The following NECTIN3 variants were observed in gnomAD, a reference collection of about 807,000 sequenced individuals.
NECTIN3 encodes nectin-3.
NECTIN3 carries 8 observed loss-of-function variants against 49.4 expected under a neutral mutation model. The ratio of observed to expected loss-of-function variants is 0.16; its 90% CI spans 0.10 to 0.29. NECTIN3 has a LOEUF of 0.29. NECTIN3 is among the 10% of genes least tolerant of loss of function. The pLI is 1.00. For missense variants in NECTIN3, 581 were observed against 654.6 expected, an observed-to-expected ratio of 0.89 and a Z score of 1.23; for synonymous variants, 277 against 241.1, an observed-to-expected ratio of 1.15 and a Z score of -1.38.
Position 111,133,926 on chromosome 3 carries a change from A to G in NECTIN3, c.1361A>G (p.Gln454Arg). The change falls in exon 6 of 6, where the codon CAA becomes CGA. Residue 454 changes from glutamine to arginine, a missense_variant. Transcript: ENST00000485303. ...IPPSDMQKES[Q>R]IDVLQQDELD... is the part of the protein sequence containing the mutation. ...CCATCAGATATGCAAAAAGAATCAC[A>G]AATAGATGTTCTTCAACAAGATGAG... 6.2e-7 allele frequency: 1 copy of G among 1,613,936 alleles called. No individual in the cohort carries two copies. The highest frequency in any genetic ancestry group is 8.5e-7 in the Non-Finnish European group (1 of 1,179,886).
intron 2 of NECTIN3, among the ~76,000 whole-genome samples, chr3:111,118,272 A>ATATATATG (rs1391744598): frequency 7.4e-6 from 1 of 135,810 alleles, no homozygotes; most frequent in African/African-American, 2.6e-5. Context: ...ATATATATAT[A>ATATATATG]TATATATATA....
chr3:111,118,634 T>C (rs1429288062), intron 2 of NECTIN3, 22 bp from the exon 3 acceptor site: 1 of 1,500,956 alleles, frequency 6.7e-7, no homozygotes, highest in African/African-American at 1.4e-5. Flanking sequence ...TGTAACTAAT[T>C]ATTAAAAAAA....
chr3:111,181,435 G>A (rs1244666709), intron 7 of NECTIN3, among the ~76,000 whole-genome samples: 3 of 152,066 alleles, frequency 2.0e-5, no homozygotes, highest in Non-Finnish European at 2.9e-5. Context: ...TTTTTGTAAT[G>A]TATTTTTCTG....
chr3:111,165,824 G>GA (rs895770164), intron 7 of NECTIN3, among the ~76,000 whole-genome samples: 1 of 152,134 alleles, frequency 6.6e-6, no homozygotes, highest in African/African-American at 2.4e-5. Context: ...TAATATTTGG[G>GA]AAATTGCCTG....
At chr3:111,147,301 A>G (rs1421977233) in intron 6 of NECTIN3, 7 of 854,070 alleles carry the variant, frequency 8.2e-6, no homozygotes, top group Admixed American at 2.6e-5. Context: ...TCTATATAAT[A>G]TGAGGAAAAT....
At chr3:111,145,545 C>A (rs1011377207) in intron 6 of NECTIN3, among the ~76,000 whole-genome samples, 2 of 152,004 alleles carry the variant, frequency 1.3e-5, no homozygotes, top group African/African-American at 4.8e-5. Flanking sequence ...AAAGAATAAG[C>A]AATATTTTTG....
chr3:111,102,840 G>A (rs1054470661), intron 1 of NECTIN3, among the ~76,000 whole-genome samples: 1 of 152,148 alleles, frequency 6.6e-6, no homozygotes, highest in Non-Finnish European at 1.5e-5. Flanking sequence ...TATAAAATCT[G>A]TGTCTAGAAT....
intron 7 of NECTIN3, among the ~76,000 whole-genome samples, chr3:111,169,005 T>C (rs1576176242): frequency 2.0e-5 from 3 of 152,206 alleles, no homozygotes; most frequent in Admixed American, 2.0e-4. Context: ...CATATACTTT[T>C]CTTTATTCAC....
chr3:111,087,505 T>C (rs148529800), intron 1 of NECTIN3, among the ~76,000 whole-genome samples: 19 of 151,896 alleles, frequency 1.3e-4, no homozygotes, highest in African/African-American at 4.3e-4. Flanking sequence ...ATACAAAAAT[T>C]AGCCTGGTGT....
At position 111,135,490 on chromosome 3, in the gene NECTIN3, G is replaced by C. The variant is rs1002540329; in HGVS notation, c.*1275G>C. On this transcript the variant is annotated 3_prime_UTR_variant, in exon 6 of 6. Coordinates refer to ENST00000485303, the MANE Select transcript of NECTIN3 (RefSeq NM_015480.3). ...CTTCAAATGTGCTTTTTGTTTGTGA[G>C]GTAATTAAATTGCTTCTACAGTGGA... 2.1e-6 allele frequency: 2 copies of C among 972,556 alleles called. No individual in the cohort carries two copies. Among genetic ancestry groups the C allele is most frequent in the African/African-American group, 1.8e-5 (1 of 56,828 alleles). The allele number at this position is 972,556 out of a possible 1,614,324, so 60.2% of individuals were successfully genotyped here.
chr3:111,141,442 T>G (rs1284843814), downstream of NECTIN3, among the ~76,000 whole-genome samples: 8 of 151,910 alleles, frequency 5.3e-5, no homozygotes, highest in Non-Finnish European at 7.4e-5. Flanking sequence ...TAAAAATTAT[T>G]TGTTTTTGAA....
At chr3:111,100,286 A>G (rs969159310) in intron 1 of NECTIN3, among the ~76,000 whole-genome samples, 2 of 152,130 alleles carry the variant, frequency 1.3e-5, no homozygotes, top group Non-Finnish European at 2.9e-5. Flanking sequence ...AGTTCCTTAC[A>G]TTGTCAACTT....
At position 111,099,702 on chromosome 3, in the gene NECTIN3, C is replaced by T. The variant is rs141257271; in HGVS notation, c.161-12328C>T. ...GTCACACCAGCCTCGCAAAGTCTAA[C>T]TATGGATCAGTCTGGCTCTATACAT... On this transcript the variant is annotated intron_variant, in intron 1 of 5. Transcript: ENST00000485303. 1.1e-3 allele frequency among the ~76,000 whole-genome samples: 164 copies of T among 152,236 alleles called. 1 individual carries two copies. In the East Asian group the frequency reaches 0.03, roughly 28 times the overall value.
intron 4 of NECTIN3, among the ~76,000 whole-genome samples, chr3:111,125,671 T>C (rs377681946): frequency 1.1e-3 from 173 of 152,322 alleles, no homozygotes; most frequent in African/African-American, 3.9e-3. Flanking sequence ...TTAGAAACTA[T>C]CTTTGGATAG....
chr3:111,073,064 A>G (rs1190057284), intron 1 of NECTIN3: 1 of 150,930 alleles, frequency 6.6e-6, no homozygotes, highest in Non-Finnish European at 1.5e-5. Context: ...CTCATGCAAG[A>G]GAAATGGACT....
chr3:111,147,364 T>A, intron 6 of NECTIN3: 3 of 1,299,140 alleles, frequency 2.3e-6, no homozygotes, highest in Non-Finnish European at 3.2e-6. Context: ...TTTTTTTTCC[T>A]AAATGTGACA....
chr3:111,140,652 C>T (rs915832258), downstream of NECTIN3, among the ~76,000 whole-genome samples: 4 of 151,990 alleles, frequency 2.6e-5, no homozygotes, highest in African/African-American at 4.8e-5. Context: ...TCTTCCTTTA[C>T]ATTTTTGACT....
At chr3:111,081,131 A>ATAAC (rs2031575521) in intron 1 of NECTIN3, among the ~76,000 whole-genome samples, 1 of 152,164 alleles carries the variant, frequency 6.6e-6, no homozygotes, top group South Asian at 2.1e-4. Flanking sequence ...AAATAAATAA[A>ATAAC]TAAGCCAGGC....
At chr3:111,123,062 AT>A (rs548464719) in intron 4 of NECTIN3, among the ~76,000 whole-genome samples, 9 of 151,412 alleles carry the variant, frequency 5.9e-5, no homozygotes, top group East Asian at 1.9e-4. Context: ...AATGATATAA[AT>A]TTTTTTTGGC....
Sources: gnomAD v4.1 joint callset for allele counts (sites outside exome capture counted in the v4.1 genomes callset) on GRCh38, gnomAD v4.1.1 for gene constraint, MANE v1.5 for transcripts, NCBI Gene and HGNC (gene_info 2026-07-23, HGNC 2026-07-21) for gene names.